Variants in KCNQ3 observed in about 807,000 individuals in gnomAD.
KCNQ3 encodes the protein potassium voltage-gated channel subfamily KQT member 3.
A neutral mutation model predicts 92.5 loss-of-function variants in KCNQ3; 30 were observed. The observed-to-expected ratio is 0.32, with a 90% CI of 0.24 to 0.44. KCNQ3 has a LOEUF of 0.44. KCNQ3 is among the 20% of genes least tolerant of loss of function. The pLI, the probability that KCNQ3 is intolerant of heterozygous loss-of-function variation, is 1.00. For missense variants in KCNQ3, 913 were observed against 1,140.3 expected (o/e 0.80, Z 2.87); for synonymous variants, 450 against 468.8 (o/e 0.96, Z 0.52).
chr8:132,310,213 TA>T (rs1401053712), intron 1 of KCNQ3, among the ~76,000 whole-genome samples: 4 of 152,222 alleles, frequency 2.6e-5, no homozygotes, highest in African/African-American at 9.6e-5. Flanking sequence ...GATGCTGGTT[TA>T]CTGAGACTGG....
chr8:132,180,810 G>A (rs371932952), intron 3 of KCNQ3, among the ~76,000 whole-genome samples: 7 of 147,746 alleles, frequency 4.7e-5, no homozygotes, highest in African/African-American at 1.8e-4. Flanking sequence ...AAGCAGAAGT[G>A]ACGGCAGAAG....
At chr8:132,182,987 G>T (rs1341387518) in intron 3 of KCNQ3, among the ~76,000 whole-genome samples, 1 of 151,948 alleles carries the variant, frequency 6.6e-6, no homozygotes, top group East Asian at 1.9e-4. Flanking sequence ...GCATCAGGTG[G>T]GAATAGGGCA....
chr8:132,180,614 A>G (rs374346403), intron 3 of KCNQ3, among the ~76,000 whole-genome samples: 37 of 152,200 alleles, frequency 2.4e-4, no homozygotes, highest in South Asian at 4.2e-4. Flanking sequence ...CAGAGCAGCA[A>G]TTTACCAAGG....
chr8:132,281,852 T>A (rs1436768662), intron 1 of KCNQ3, among the ~76,000 whole-genome samples: 1 of 152,192 alleles, frequency 6.6e-6, no homozygotes, highest in African/African-American at 2.4e-5. Flanking sequence ...ATCAAGGTGC[T>A]CCCTGAGCAC....
At position 132,128,094 on chromosome 8, in the gene KCNQ3, T is replaced by A. The variant is rs1824729191; in HGVS notation, c.*1168A>T. ...TCCCCCTCCTGCTGGATAAACTGGG[T>A]GCTTTCCACGCGACACAAAGTCATA... On this transcript the variant is annotated 3_prime_UTR_variant, in exon 15 of 15. Transcript: ENST00000388996. 1 of 152,194 alleles carries A rather than the reference T, an allele frequency of 6.6e-6. No individual in the cohort carries two copies. The highest frequency in any genetic ancestry group is 2.4e-5 in the African/African-American group (1 of 41,450). 9.4% of individuals were successfully genotyped at this position (152,194 alleles called of 1,614,324 possible).
chr8:132,396,100 C>T (rs747129152), intron 1 of KCNQ3, among the ~76,000 whole-genome samples: 1 of 152,186 alleles, frequency 6.6e-6, no homozygotes, highest in Non-Finnish European at 1.5e-5. Flanking sequence ...GAGGAGATGG[C>T]GCAGGAGAGG....
chr8:132,286,163 C>T (rs1190828425), intron 1 of KCNQ3, among the ~76,000 whole-genome samples: 1 of 152,162 alleles, frequency 6.6e-6, no homozygotes, highest in African/African-American at 2.4e-5. Flanking sequence ...AGGTTGGGGC[C>T]ACTGTCAGGG....
chr8:132,152,344 T>C (rs1243415829), intron 9 of KCNQ3, among the ~76,000 whole-genome samples: 1 of 152,200 alleles, frequency 6.6e-6, no homozygotes, highest in East Asian at 1.9e-4. Context: ...AGGAAACTTA[T>C]TTTGAACTAT....
At position 132,239,077 on chromosome 8, in the gene KCNQ3, G is replaced by A. The variant is rs142023580; in HGVS notation, c.387-52896C>T. Among the ~76,000 whole-genome samples, 679 of 152,236 alleles carry A rather than the reference G, an allele frequency of 4.5e-3. 5 individuals are homozygous for A. The highest frequency in any genetic ancestry group is 6.2e-3 in the Non-Finnish European group (421 of 68,016). Reference sequence around the variant, plus strand: ...GGCAGAATCTTATTTGGACATTGACGTATTACCAAGAAATTCCTGGGCCCC... The same window carrying A: ...GGCAGAATCTTATTTGGACATTGACATATTACCAAGAAATTCCTGGGCCCC... On this transcript the variant is annotated intron_variant, in intron 1 of 14. Transcript: ENST00000388996.
chr8:132,244,364 A>G (rs1387187874), intron 1 of KCNQ3, among the ~76,000 whole-genome samples: 1 of 151,996 alleles, frequency 6.6e-6, no homozygotes, highest in African/African-American at 2.4e-5. Flanking sequence ...TTAAGAAAGA[A>G]AAAGAGAGAC....
chr8:132,452,413 G>A (rs564021850), intron 1 of KCNQ3, among the ~76,000 whole-genome samples: 11 of 152,196 alleles, frequency 7.2e-5, no homozygotes, highest in Admixed American at 2.0e-4. Flanking sequence ...GTTGTAACAA[G>A]TGTCAGAAAT....
rs1490809787 is a variant in KCNQ3 at position 132,205,571 on chromosome 8, C to CA, written c.387-19391dup. 1.6e-4 allele frequency among the ~76,000 whole-genome samples: 25 copies of CA among 152,166 alleles called. 1 individual carries two copies. The highest frequency in any genetic ancestry group is 5.9e-5 in the Non-Finnish European group (4 of 68,030). On this transcript the variant is annotated intron_variant, in intron 1 of 14. Coordinates refer to ENST00000388996, the MANE Select transcript of KCNQ3 (RefSeq NM_004519.4). ...GGGGAAAGAGCGTGAGCTTCAGAAC[C>CA]AGATGCTATCTTTGATCCCAGCCTC... is the stretch of plus-strand genomic sequence containing the variant.
chr8:132,368,007 G>A (rs1819372047), intron 1 of KCNQ3, among the ~76,000 whole-genome samples: 2 of 152,092 alleles, frequency 1.3e-5, no homozygotes, highest in South Asian at 4.1e-4. Flanking sequence ...CATCTAGAAA[G>A]GGAAACAATA....
At chr8:132,154,193 G>GTTTTTTGTTTTTTTTTTTTTT (rs1825726713) in intron 9 of KCNQ3, among the ~76,000 whole-genome samples, 1 of 27,456 alleles carries the variant, frequency 3.6e-5, no homozygotes, top group African/African-American at 1.5e-4. Flanking sequence ...AAGGGTAAAA[G>GTTTTTTGTTTTTTTTTTTTTT]TTTTTTTTTT....
intron 1 of KCNQ3, among the ~76,000 whole-genome samples, chr8:132,422,549 C>A (rs1820999826): frequency 6.6e-6 from 1 of 152,208 alleles, no homozygotes; most frequent in Non-Finnish European, 1.5e-5. Flanking sequence ...GTTCCTGGAA[C>A]ACGCAAGCTT....
intron 8 of KCNQ3, 52 bp downstream of exon 8, chr8:132,170,282 G>T (rs1204153955): frequency 1.5e-6 from 2 of 1,305,482 alleles, no homozygotes; most frequent in South Asian, 1.2e-5. Context: ...AATACAGACC[G>T]CAGGAGAGAT....
intron 1 of KCNQ3, among the ~76,000 whole-genome samples, chr8:132,220,811 CTT>C (rs201993680): frequency 3.2e-5 from 3 of 92,602 alleles, no homozygotes; most frequent in African/African-American, 9.6e-5. Flanking sequence ...TGGCATGAAA[CTT>C]TTTTTTATTT....
At chr8:132,463,596 G>T (rs1037541329) in intron 1 of KCNQ3, among the ~76,000 whole-genome samples, 4 of 152,152 alleles carry the variant, frequency 2.6e-5, no homozygotes, top group Non-Finnish European at 4.4e-5. Context: ...AGGTCGTGTG[G>T]TCTAGGCAAG....
chr8:132,363,661 C>T (rs939549262), intron 1 of KCNQ3, among the ~76,000 whole-genome samples: 1 of 151,972 alleles, frequency 6.6e-6, no homozygotes, highest in African/African-American at 2.4e-5. Flanking sequence ...CACCATCCAC[C>T]CTGGATGCCA....
Sources: gnomAD v4.1 joint callset for allele counts (sites outside exome capture counted in the v4.1 genomes callset) on GRCh38, gnomAD v4.1.1 for gene constraint, MANE v1.5 for transcripts, NCBI Gene and HGNC (gene_info 2026-07-23, HGNC 2026-07-21) for gene names.